Variants in OPCML observed in about 807,000 individuals in gnomAD.
The protein encoded by OPCML is opioid binding protein/cell adhesion molecule like, also known as opioid-binding protein/cell adhesion molecule.
A neutral mutation model predicts 37.8 loss-of-function variants in OPCML; 13 were observed. That is an observed-to-expected ratio of 0.34 (90% CI 0.22 to 0.55). OPCML has a LOEUF of 0.55. OPCML is among the 20% of genes least tolerant of loss of function. The pLI is 0.91. For synonymous variants in OPCML, 176 were observed against 168.8 expected (o/e 1.04, Z -0.33); for missense variants, 341 against 435.6 (o/e 0.78, Z 1.93).
At chr11:132,563,942 G>T (rs1318135876) in intron 3 of OPCML, among the ~76,000 whole-genome samples, 2 of 152,128 alleles carry the variant, frequency 1.3e-5, no homozygotes, top group Admixed American at 1.3e-4. Context: ...ATTCCAGATA[G>T]CCATGCCCTG....
At chr11:132,803,082 A>G (rs1318104371) in intron 2 of OPCML, among the ~76,000 whole-genome samples, 1 of 152,142 alleles carries the variant, frequency 6.6e-6, no homozygotes, top group Non-Finnish European at 1.5e-5. Context: ...CCTGGACACG[A>G]TAACATCCTC....
At chr11:133,108,097 G>A (rs895496894) in intron 1 of OPCML, among the ~76,000 whole-genome samples, 5 of 152,172 alleles carry the variant, frequency 3.3e-5, no homozygotes, top group Admixed American at 1.3e-4. Flanking sequence ...GCAGGAGAGG[G>A]TTCACTTTAG....
chr11:133,399,446 G>T (rs1945354345), intron 1 of OPCML, among the ~76,000 whole-genome samples: 1 of 152,132 alleles, frequency 6.6e-6, no homozygotes, highest in Admixed American at 6.6e-5. Context: ...TCTACAGCAA[G>T]CTCTTGATGA....
At chr11:132,619,019 T>C (rs1013150136) in intron 3 of OPCML, among the ~76,000 whole-genome samples, 1 of 151,756 alleles carries the variant, frequency 6.6e-6, no homozygotes, top group Non-Finnish European at 1.5e-5. Context: ...GAATTTCAAA[T>C]GTTTCCCTAT....
At chr11:132,484,112 C>A (rs181102633) in intron 4 of OPCML, among the ~76,000 whole-genome samples, 3 of 152,250 alleles carry the variant, frequency 2.0e-5, no homozygotes, top group African/African-American at 2.4e-5. Flanking sequence ...AAAGAAACTA[C>A]CTTCAGAGTG....
At chr11:133,433,666 T>A (rs1021007240) in intron 1 of OPCML, among the ~76,000 whole-genome samples, 2 of 152,106 alleles carry the variant, frequency 1.3e-5, no homozygotes, top group South Asian at 4.1e-4. Flanking sequence ...CAGTTAAGGA[T>A]CCCAAGAAGC....
intron 1 of OPCML, among the ~76,000 whole-genome samples, chr11:133,318,409 C>T (rs1943253466): frequency 2.0e-5 from 3 of 152,042 alleles, no homozygotes; most frequent in African/African-American, 7.2e-5. Flanking sequence ...ACGTTTGGTC[C>T]CCCTGGCCTG....
chr11:132,469,893 T>C (rs1200545176), intron 4 of OPCML, among the ~76,000 whole-genome samples: 1 of 134,950 alleles, frequency 7.4e-6, no homozygotes, highest in African/African-American at 2.8e-5. Flanking sequence ...GGTGTGTGTG[T>C]GTAGGTATGT....
At chr11:132,429,385 GT>G (rs2095988861) in intron 7 of OPCML, among the ~76,000 whole-genome samples, 1 of 152,212 alleles carries the variant, frequency 6.6e-6, no homozygotes. Flanking sequence ...CATGTGAGAC[GT>G]GTGCCACAAT....
At chr11:132,926,625 G>T (rs192052662) in intron 2 of OPCML, among the ~76,000 whole-genome samples, 2 of 152,158 alleles carry the variant, frequency 1.3e-5, no homozygotes, top group Non-Finnish European at 2.9e-5. Context: ...TGAAGAGGTG[G>T]TTGTTTTTTC....
At chr11:132,819,165 A>G (rs1342450062) in intron 2 of OPCML, among the ~76,000 whole-genome samples, 1 of 152,050 alleles carries the variant, frequency 6.6e-6, no homozygotes, top group Non-Finnish European at 1.5e-5. Flanking sequence ...AGGGATCTCT[A>G]GAGAAAAATA....
intron 4 of OPCML, among the ~76,000 whole-genome samples, chr11:132,449,318 A>G (rs1451050953): frequency 6.6e-6 from 1 of 151,822 alleles, no homozygotes; most frequent in Non-Finnish European, 1.5e-5. Context: ...GATTCTATTC[A>G]TGTAGATCTT....
chr11:132,633,613 G>A (rs1940292895), intron 3 of OPCML, among the ~76,000 whole-genome samples: 1 of 152,038 alleles, frequency 6.6e-6, no homozygotes, highest in Non-Finnish European at 1.5e-5. Flanking sequence ...GACATCTGTT[G>A]GAAGGTCAGT....
chr11:132,490,711 C>A (rs753408173), intron 4 of OPCML, among the ~76,000 whole-genome samples: 4 of 151,306 alleles, frequency 2.6e-5, no homozygotes, highest in Non-Finnish European at 4.4e-5. Flanking sequence ...CCCGGCTACT[C>A]GAGAGGCTGG....
In OPCML at chr11:133,173,827, G is replaced by A. The variant is rs910863045; in HGVS notation, c.62-230817C>T. 2.6e-5 allele frequency among the ~76,000 whole-genome samples: 4 copies of A among 152,122 alleles called. No homozygotes were observed. The highest frequency in any genetic ancestry group is 6.5e-5 in the Admixed American group (1 of 15,280). ...TAGCAATACGACAGAGCCTAAAGATGCAGGCCTTGAGTTTATGAGGCAAAT... is the reference window on the plus strand; with the variant it reads ...TAGCAATACGACAGAGCCTAAAGATACAGGCCTTGAGTTTATGAGGCAAAT... On this transcript the variant is annotated intron_variant, in intron 1 of 7. Coordinates refer to ENST00000524381, the MANE Select transcript of OPCML (RefSeq NM_001012393.5). The surrounding 1 kb of genome is among the most constrained non-coding windows in gnomAD (Gnocchi z 7.8).
At chr11:132,920,824 C>T (rs1478999750) in intron 2 of OPCML, among the ~76,000 whole-genome samples, 7 of 152,172 alleles carry the variant, frequency 4.6e-5, no homozygotes, top group South Asian at 2.1e-4. Context: ...CTTCTGGGCC[C>T]GTGCTGTCAT....
At chr11:133,522,508 A>ATCT (rs2120709747) in intron 1 of OPCML, among the ~76,000 whole-genome samples, 1 of 152,296 alleles carries the variant, frequency 6.6e-6, no homozygotes, top group Non-Finnish European at 1.5e-5. Context: ...CTAGATTCTG[A>ATCT]TCTTTGGGTA....
At chr11:132,458,229 G>A (rs914794812) in intron 4 of OPCML, among the ~76,000 whole-genome samples, 15 of 152,176 alleles carry the variant, frequency 9.9e-5, no homozygotes, top group African/African-American at 3.4e-4. Flanking sequence ...AGAGCATGAC[G>A]ATTCATAAAA....
At chr11:132,875,426 C>A (rs1257344962) in intron 2 of OPCML, among the ~76,000 whole-genome samples, 1 of 151,790 alleles carries the variant, frequency 6.6e-6, no homozygotes, top group Non-Finnish European at 1.5e-5. Context: ...CCCGTTCATC[C>A]ATGTATCCAT....
Sources: gnomAD v4.1 joint callset for allele counts (sites outside exome capture counted in the v4.1 genomes callset) on GRCh38, gnomAD v4.1.1 for gene constraint, Gnocchi (gnomAD v3.1) non-coding constraint, MANE v1.5 for transcripts, NCBI Gene and HGNC (gene_info 2026-07-23, HGNC 2026-07-21) for gene names.